Variants in FMNL2 observed in about 807,000 individuals in gnomAD.
The protein encoded by FMNL2 is formin like 2.
FMNL2 carries 51 observed loss-of-function variants against 130.2 expected under a neutral mutation model. The observed-to-expected ratio is 0.39, with a 90% CI of 0.31 to 0.49. The LOEUF (loss-of-function observed/expected upper bound fraction) is 0.49, where lower values mean the gene tolerates loss of function less well. Ranked by LOEUF, FMNL2 falls within the 20% of genes least tolerant of loss-of-function variation. FMNL2 has a pLI of 0.85. For missense variants in FMNL2, 977 were observed against 1,316.2 expected (o/e 0.74, Z 3.99); for synonymous variants, 465 against 467.1 (o/e 1.00, Z 0.06).
intron 1 of FMNL2, among the ~76,000 whole-genome samples, chr2:152,407,065 C>T (rs560454338): frequency 6.6e-6 from 1 of 152,114 alleles, no homozygotes; most frequent in Non-Finnish European, 1.5e-5. Flanking sequence ...GTTGCTGGGA[C>T]GATTAGAAAC....
intron 1 of FMNL2, among the ~76,000 whole-genome samples, chr2:152,510,621 T>C (rs186829900): frequency 8.5e-5 from 13 of 152,260 alleles, no homozygotes; most frequent in Admixed American, 7.9e-4. Context: ...ATTACTTTAA[T>C]ACCAGGATGT....
intron 1 of FMNL2, among the ~76,000 whole-genome samples, chr2:152,462,927 T>C (rs1019894757): frequency 3.3e-5 from 5 of 152,208 alleles, no homozygotes; most frequent in Admixed American, 3.3e-4. Flanking sequence ...TTATAAAGAA[T>C]GTTTCTTTTG....
chr2:152,484,550 T>C (rs1376564236), intron 1 of FMNL2, among the ~76,000 whole-genome samples: 1 of 151,626 alleles, frequency 6.6e-6, no homozygotes, highest in Non-Finnish European at 1.5e-5. Context: ...GGCAGAAGTA[T>C]TCAGTTGAGC....
At chr2:152,477,494 T>G (rs988511535) in intron 1 of FMNL2, among the ~76,000 whole-genome samples, 1 of 152,192 alleles carries the variant, frequency 6.6e-6, no homozygotes, top group Admixed American at 6.5e-5. Flanking sequence ...TTCTTCTTCC[T>G]TGATTTCCTG....
intron 10 of FMNL2, among the ~76,000 whole-genome samples, chr2:152,608,970 G>T (rs1698536092): frequency 9.5e-6 from 1 of 105,302 alleles, no homozygotes; most frequent in Non-Finnish European, 2.1e-5. Context: ...CTGGAGCCAA[G>T]CAGCCCCTAT....
chr2:152,621,015 A>G (rs1423465886), intron 15 of FMNL2: 1 of 985,302 alleles, frequency 1.0e-6, no homozygotes, highest in African/African-American at 1.7e-5. Context: ...CGTGGAACTG[A>G]TGGACTATGG....
intron 1 of FMNL2, among the ~76,000 whole-genome samples, chr2:152,350,992 C>A (rs964224191): frequency 4.6e-5 from 7 of 152,154 alleles, no homozygotes; most frequent in Non-Finnish European, 8.8e-5. Flanking sequence ...CTGCAGTGAG[C>A]TGAGATCACA....
At chr2:152,405,399 G>T (rs1286033821) in intron 1 of FMNL2, among the ~76,000 whole-genome samples, 1 of 152,174 alleles carries the variant, frequency 6.6e-6, no homozygotes, top group African/African-American at 2.4e-5. Flanking sequence ...AATGACTCAT[G>T]TCCCCAACAT....
chr2:152,423,666 C>A (rs760554035), intron 1 of FMNL2, among the ~76,000 whole-genome samples: 1 of 152,198 alleles, frequency 6.6e-6, no homozygotes. Context: ...TTACCCTCCT[C>A]TTCTTTGCCT....
intron 1 of FMNL2, among the ~76,000 whole-genome samples, chr2:152,452,083 C>T (rs1483823409): frequency 6.6e-6 from 1 of 152,138 alleles, no homozygotes; most frequent in Non-Finnish European, 1.5e-5. Flanking sequence ...GTATGGCTCC[C>T]CTGTTCCCTT....
chr2:152,524,732 G>C (rs1224794431), intron 2 of FMNL2, among the ~76,000 whole-genome samples: 2 of 152,166 alleles, frequency 1.3e-5, no homozygotes, highest in African/African-American at 4.8e-5. Flanking sequence ...TTTTGGTGCA[G>C]ACCCTGTGCT....
intron 25 of FMNL2, among the ~76,000 whole-genome samples, chr2:152,646,789 A>G (rs1043363291): frequency 4.6e-5 from 7 of 152,256 alleles, no homozygotes; most frequent in African/African-American, 1.7e-4. Flanking sequence ...AGTAAATACT[A>G]ATTAAACAGG....
In FMNL2 at chr2:152,619,016, A is replaced by G; in HGVS notation, c.1485A>G (p.Pro495=). 6.2e-7 allele frequency: 1 copy of G among 1,614,070 alleles called. No individual in the cohort carries two copies. The highest frequency in any genetic ancestry group is 1.1e-5 in the South Asian group (1 of 91,088). ...GGGATGGGGATATCGCCATACTGCC[A>G]GTTGTGGCTTCTGGCACATTGTCCA... ...KKGDGDIAIL[P]VVASGTLSMG... The change falls in exon 14 of 26, where the codon CCA becomes CCG. Residue 495 remains proline, a synonymous_variant. Transcript: ENST00000288670.
At chr2:152,647,514 A>AAAAT (rs1278695025) in intron 25 of FMNL2, among the ~76,000 whole-genome samples, 1 of 152,258 alleles carries the variant, frequency 6.6e-6, no homozygotes, top group Non-Finnish European at 1.5e-5. Context: ...GAAACATTTC[A>AAAAT]AAATAAGACT....
intron 9 of FMNL2, among the ~76,000 whole-genome samples, chr2:152,596,200 T>C (rs564536983): frequency 8.6e-5 from 13 of 152,004 alleles, no homozygotes; most frequent in Non-Finnish European, 1.9e-4. Flanking sequence ...TGACCTCAAG[T>C]GATCCGCCCA....
intron 25 of FMNL2, among the ~76,000 whole-genome samples, chr2:152,644,682 G>A (rs774200617): frequency 7.2e-5 from 11 of 152,152 alleles, no homozygotes; most frequent in East Asian, 1.9e-4. Context: ...TCTCATTCAC[G>A]CATCTTCACC....
At chr2:152,612,292 G>A (rs183239718) in intron 11 of FMNL2, among the ~76,000 whole-genome samples, 7 of 152,310 alleles carry the variant, frequency 4.6e-5, no homozygotes, top group Non-Finnish European at 7.4e-5. Flanking sequence ...AGGCTGAGGT[G>A]GAGGATCACT....
intron 3 of FMNL2, among the ~76,000 whole-genome samples, chr2:152,547,561 G>T (rs538441375): frequency 2.6e-5 from 4 of 152,290 alleles, no homozygotes; most frequent in African/African-American, 9.6e-5. Flanking sequence ...GGGAAGCCAG[G>T]GGCTTTCAGA....
rs141696152 is a variant in FMNL2, at chr2:152,480,237, C to G, written c.118-41706C>G. ...TGTTGGTCTATCAGATCTAATTTGA[C>G]CACTACAACTCACAAATCTAATAAT... On this transcript the variant is annotated intron_variant, in intron 1 of 25. Coordinates refer to ENST00000288670, the MANE Select transcript of FMNL2 (RefSeq NM_052905.4). Among the ~76,000 whole-genome samples, 282 of 152,252 alleles carry G rather than the reference C, an allele frequency of 1.9e-3. 2 individuals carry two copies. Among genetic ancestry groups the G allele is most frequent in the African/African-American group, 6.4e-3 (267 of 41,550 alleles).
Sources: allele counts gnomAD v4.1 joint callset (sites outside exome capture counted in the v4.1 genomes callset), GRCh38; gene constraint gnomAD v4.1.1; transcripts MANE v1.5; gene names NCBI Gene and HGNC (gene_info 2026-07-23, HGNC 2026-07-21).